Variants in PDE4D observed in about 807,000 individuals in gnomAD.
The protein encoded by PDE4D is 3',5'-cyclic-AMP phosphodiesterase 4D.
Under a neutral mutation model 87.4 loss-of-function variants are expected in PDE4D, and 24 were observed. That is an observed-to-expected ratio of 0.27 (90% CI 0.20 to 0.39). PDE4D has a LOEUF of 0.39. Among genes scored for constraint, PDE4D ranks in the 10% least tolerant of loss-of-function variants. The pLI is 1.00. For synonymous variants in PDE4D, 384 were observed against 383.2 expected (o/e 1.00, Z -0.02); for missense variants, 714 against 1,041.0 (o/e 0.69, Z 4.32).
At chr5:59,189,650 A>T (rs1743872170) in intron 3 of PDE4D, among the ~76,000 whole-genome samples, 1 of 152,164 alleles carries the variant, frequency 6.6e-6, no homozygotes, top group Non-Finnish European at 1.5e-5. Context: ...TTGGCCCCCA[A>T]GAACTCTGGC....
At chr5:59,434,760 G>A (rs796454983) in intron 1 of PDE4D, among the ~76,000 whole-genome samples, 1 of 151,794 alleles carries the variant, frequency 6.6e-6, no homozygotes, top group Non-Finnish European at 1.5e-5. Context: ...CCTAGTACTG[G>A]CCACCATTCA....
intron 5 of PDE4D, among the ~76,000 whole-genome samples, chr5:59,044,322 A>T (rs1315808838): frequency 6.6e-5 from 10 of 152,166 alleles, no homozygotes; most frequent in Non-Finnish European, 1.3e-4. Flanking sequence ...ATGAGCACTG[A>T]TCCAGATTTT....
In PDE4D at chr5:58,991,865, T is replaced by C; in HGVS notation, c.1155A>G (p.Gly385=). ...GGACATCTTCTTGTTCAGTTTTAAC[T>C]CCAAACCTTGGGATACTTGAATTAG... is the stretch of plus-strand genomic sequence containing the variant. ...SLTNSSIPRF[G]VKTEQEDVLA... Residue 385 remains glycine, a synonymous_variant, in exon 8 of 15, where the codon GGA becomes GGG. Coordinates refer to ENST00000340635, the MANE Select transcript of PDE4D (RefSeq NM_001104631.2). 6.4e-7 allele frequency: 1 copy of C among 1,559,086 alleles called. No homozygotes were observed. The highest frequency in any genetic ancestry group is 8.7e-7 in the Non-Finnish European group (1 of 1,155,480).
intron 1 of PDE4D, among the ~76,000 whole-genome samples, chr5:59,854,347 T>C (rs1745109080): frequency 6.6e-6 from 1 of 152,124 alleles, no homozygotes. Context: ...TATCCTTTTA[T>C]TGTCTTGTAA....
chr5:60,436,145 G>A (rs2150124430), intron 1 of PDE4D, among the ~76,000 whole-genome samples: 1 of 152,128 alleles, frequency 6.6e-6, no homozygotes, highest in Non-Finnish European at 1.5e-5. Context: ...TTGATAATTT[G>A]TGAATTAGTT....
At chr5:59,769,315 A>G (rs1763207815) in intron 1 of PDE4D, among the ~76,000 whole-genome samples, 1 of 152,200 alleles carries the variant, frequency 6.6e-6, no homozygotes, top group Non-Finnish European at 1.5e-5. Context: ...GGGCCCTTTC[A>G]AAGAACTAAC....
At chr5:60,064,913 C>G (rs915032311) in intron 2 of PDE4D, among the ~76,000 whole-genome samples, 1 of 152,090 alleles carries the variant, frequency 6.6e-6, no homozygotes, top group Admixed American at 6.6e-5. Flanking sequence ...TTCTATACAC[C>G]TTATCCATCA....
intron 1 of PDE4D, among the ~76,000 whole-genome samples, chr5:59,266,018 A>G (rs532716179): frequency 1.2e-4 from 18 of 152,218 alleles, no homozygotes; most frequent in Admixed American, 1.0e-3. Context: ...AATACAAATT[A>G]TAATAGAACT....
chr5:59,899,558 G>C (rs963158048), intron 3 of PDE4D, among the ~76,000 whole-genome samples: 1 of 151,752 alleles, frequency 6.6e-6, no homozygotes, highest in African/African-American at 2.4e-5. Context: ...CTTTTAATTA[G>C]AGAAATATAA....
intron 2 of PDE4D, among the ~76,000 whole-genome samples, chr5:60,078,596 T>G (rs1773580177): frequency 6.6e-6 from 1 of 152,150 alleles, no homozygotes; most frequent in Non-Finnish European, 1.5e-5. Context: ...GTCCATGTGT[T>G]CTCAATGTTC....
At chr5:59,280,788 C>T (rs1393386525) in intron 1 of PDE4D, among the ~76,000 whole-genome samples, 1 of 152,010 alleles carries the variant, frequency 6.6e-6, no homozygotes, top group Admixed American at 6.6e-5. Context: ...GGGAGTTTTA[C>T]TGCAGTATCA....
chr5:60,473,395 TA>T (rs35996792), intron 1 of PDE4D, among the ~76,000 whole-genome samples: 19,941 of 152,024 alleles, frequency 0.13, 1,417 homozygotes, highest in Non-Finnish European at 0.16. Context: ...TATTACCACA[TA>T]GGGGTAATGG....
intron 2 of PDE4D, among the ~76,000 whole-genome samples, chr5:60,013,083 T>C (rs913085890): frequency 6.6e-6 from 1 of 152,170 alleles, no homozygotes; most frequent in African/African-American, 2.4e-5. Flanking sequence ...TCTGACTCCA[T>C]AAGCTTCTAT....
At chr5:59,159,768 T>C (rs929400461) in intron 5 of PDE4D, among the ~76,000 whole-genome samples, 4 of 152,200 alleles carry the variant, frequency 2.6e-5, no homozygotes, top group Non-Finnish European at 4.4e-5. Context: ...TTTACCTTTA[T>C]TTTATGCTCA....
At chr5:59,068,310 G>A (rs1237882487) in intron 5 of PDE4D, among the ~76,000 whole-genome samples, 4 of 152,160 alleles carry the variant, frequency 2.6e-5, no homozygotes, top group Non-Finnish European at 5.9e-5. Flanking sequence ...ACAGACAATT[G>A]AGACACTAAA....
intron 6 of PDE4D, among the ~76,000 whole-genome samples, chr5:59,012,048 CAAACT>C (rs1437454296): frequency 6.6e-6 from 1 of 152,162 alleles, no homozygotes; most frequent in African/African-American, 2.4e-5. Flanking sequence ...CATACCCAGC[CAAACT>C]AAGCTTCACA....
chr5:59,604,236 A>G (rs1221098733), intron 1 of PDE4D, among the ~76,000 whole-genome samples: 6 of 151,896 alleles, frequency 4.0e-5, no homozygotes, highest in Non-Finnish European at 7.4e-5. Context: ...CCTTAACCAA[A>G]TCTTAATTTT....
chr5:59,417,216 T>G (rs1427874436), intron 1 of PDE4D, among the ~76,000 whole-genome samples: 1 of 152,122 alleles, frequency 6.6e-6, no homozygotes, highest in Non-Finnish European at 1.5e-5. Flanking sequence ...CATATTAAAA[T>G]GTACAGAATG....
intron 1 of PDE4D, among the ~76,000 whole-genome samples, chr5:59,353,694 C>T (rs1780892922): frequency 6.6e-6 from 1 of 151,964 alleles, no homozygotes; most frequent in Non-Finnish European, 1.5e-5. Flanking sequence ...TTCTCTTCCT[C>T]ACTCCTCCTT....
Sources: allele counts gnomAD v4.1 joint callset (sites outside exome capture counted in the v4.1 genomes callset), GRCh38; gene constraint gnomAD v4.1.1; transcripts MANE v1.5; gene names NCBI Gene and HGNC (gene_info 2026-07-23, HGNC 2026-07-21).